Variants in F13A1 observed in about 807,000 individuals in gnomAD.
The protein encoded by F13A1 is FSF, A subunit.
A neutral mutation model predicts 80.1 loss-of-function variants in F13A1; 47 were observed. The ratio of observed to expected loss-of-function variants is 0.59; its 90% CI spans 0.46 to 0.75. The LOEUF is 0.75. Ranked by LOEUF, F13A1 falls within the 30% of genes least tolerant of loss-of-function variation. The pLI is 0.00. For synonymous variants in F13A1, 349 were observed against 344.9 expected (o/e 1.01, Z -0.13); for missense variants, 817 against 930.4 (o/e 0.88, Z 1.59).
chr6:6,157,375 A>T (rs2326705), intron 13 of F13A1, among the ~76,000 whole-genome samples: 41,805 of 151,986 alleles, frequency 0.28, 6,131 homozygotes, highest in African/African-American at 0.39. Context: ...ACTCTAAAAC[A>T]TTCATCTTCA....
chr6:6,221,749 G>C (rs1234117377), intron 8 of F13A1, among the ~76,000 whole-genome samples: 24 of 152,204 alleles, frequency 1.6e-4, no homozygotes, highest in Admixed American at 1.4e-3. Context: ...TATCAAGGTA[G>C]AGAGGAACTA....
chr6:6,259,378 C>A (rs1242371025), intron 4 of F13A1, among the ~76,000 whole-genome samples: 1 of 152,052 alleles, frequency 6.6e-6, no homozygotes, highest in Non-Finnish European at 1.5e-5. Flanking sequence ...TGATAAAATA[C>A]AAGCAGGTCA....
At chr6:6,164,347 T>C (rs1328957014) in intron 13 of F13A1, among the ~76,000 whole-genome samples, 4 of 151,894 alleles carry the variant, frequency 2.6e-5, no homozygotes, top group Non-Finnish European at 5.9e-5. Flanking sequence ...GTGGGGAGGA[T>C]GGGAGGAGGG....
chr6:6,202,938 C>T (rs1035663381), intron 8 of F13A1, among the ~76,000 whole-genome samples: 1 of 152,136 alleles, frequency 6.6e-6, no homozygotes, highest in African/African-American at 2.4e-5. Context: ...CTACATGGGA[C>T]GTCATAGTTT....
At chr6:6,158,901 CT>C (rs1475079741) in intron 13 of F13A1, among the ~76,000 whole-genome samples, 1 of 117,688 alleles carries the variant, frequency 8.5e-6, no homozygotes, top group Non-Finnish European at 1.8e-5. Flanking sequence ...CCCTTTTTTT[CT>C]TTCTTTTTTT....
At chr6:6,155,387 A>G (rs948495042) in intron 13 of F13A1, among the ~76,000 whole-genome samples, 1 of 152,154 alleles carries the variant, frequency 6.6e-6, no homozygotes, top group Non-Finnish European at 1.5e-5. Flanking sequence ...CTCTGTAATT[A>G]GATGCTGGCA....
At chr6:6,244,673 A>G (rs2113093702) in intron 6 of F13A1, among the ~76,000 whole-genome samples, 1 of 152,340 alleles carries the variant, frequency 6.6e-6, no homozygotes, top group African/African-American at 2.4e-5. Flanking sequence ...ACTATTTTGA[A>G]GAATAAAAGA....
chr6:6,300,605 G>A (rs1024304885), intron 3 of F13A1, among the ~76,000 whole-genome samples: 6 of 151,720 alleles, frequency 4.0e-5, no homozygotes, highest in East Asian at 1.9e-4. Context: ...TTCGGCTCGC[G>A]CACAGTGCAC....
intron 8 of F13A1, among the ~76,000 whole-genome samples, chr6:6,201,562 G>C (rs993166946): frequency 6.6e-6 from 1 of 152,166 alleles, no homozygotes; most frequent in African/African-American, 2.4e-5. Context: ...AATGACTAGG[G>C]GAATTGTGTC....
chr6:6,169,702 A>C (rs758101197), intron 12 of F13A1, among the ~76,000 whole-genome samples: 1 of 152,180 alleles, frequency 6.6e-6, no homozygotes, highest in Non-Finnish European at 1.5e-5. Context: ...AATCTGGTGG[A>C]TAGGGGCCAA....
At chr6:6,148,727 G>C (rs1760325647) in intron 14 of F13A1, among the ~76,000 whole-genome samples, 2 of 152,132 alleles carry the variant, frequency 1.3e-5, no homozygotes, top group Non-Finnish European at 2.9e-5. Context: ...CTTGCTCCAA[G>C]TTGTAAGCCC....
chr6:6,226,243 G>A (rs1757273914), intron 6 of F13A1, among the ~76,000 whole-genome samples: 1 of 152,168 alleles, frequency 6.6e-6, no homozygotes, highest in Admixed American at 6.5e-5. Flanking sequence ...TGTTTACATT[G>A]ACATTACAAT....
At position 6,182,192 on chromosome 6, in the gene F13A1, CAA is replaced by C. The variant is rs755411955; in HGVS notation, c.1306-53_1306-52del. 6.2e-6 allele frequency: 10 copies of C among 1,605,526 alleles called. No homozygotes were observed. The East Asian group carries it at 1.3e-4, about 21-fold the overall frequency. On this transcript the variant is annotated intron_variant, in intron 10 of 14. Coordinates refer to ENST00000264870, the MANE Select transcript of F13A1 (RefSeq NM_000129.4). ...GCCATCATCACATGTCTGCTGTTGCCAAAGTCTTTAACTGTCCATAGAGCAGT... is the reference window on the plus strand; with the variant it reads ...GCCATCATCACATGTCTGCTGTTGCCAGTCTTTAACTGTCCATAGAGCAGT...
intron 3 of F13A1, among the ~76,000 whole-genome samples, chr6:6,280,708 G>C (rs1174437758): frequency 1.3e-5 from 2 of 152,152 alleles, no homozygotes; most frequent in African/African-American, 4.8e-5. Context: ...AATTGTTCTT[G>C]ACATCTTTTT....
At chr6:6,171,625 A>C (rs1365072401) in intron 12 of F13A1, among the ~76,000 whole-genome samples, 2 of 152,204 alleles carry the variant, frequency 1.3e-5, no homozygotes, top group South Asian at 2.1e-4. Context: ...GTCTCTTCTC[A>C]ACACAGCAGC....
chr6:6,194,852 C>CAAATCTTAGCACTGCTATTT (rs1486873430), intron 10 of F13A1, among the ~76,000 whole-genome samples: 2 of 152,156 alleles, frequency 1.3e-5, no homozygotes, highest in Non-Finnish European at 1.5e-5. Flanking sequence ...TGCCTGGCTT[C>CAAATCTTAGCACTGCTATTT]AAATCTTAGC....
intron 3 of F13A1, among the ~76,000 whole-genome samples, chr6:6,268,850 G>A (rs1461120191): frequency 6.6e-6 from 1 of 151,862 alleles, no homozygotes; most frequent in Non-Finnish European, 1.5e-5. Context: ...CACCATGCCT[G>A]GCTAACTTTT....
chr6:6,157,650 A>G (rs1194212934), intron 13 of F13A1, among the ~76,000 whole-genome samples: 2 of 152,220 alleles, frequency 1.3e-5, no homozygotes, highest in Admixed American at 6.5e-5. Flanking sequence ...GTGACAAGGT[A>G]GCCTTGGGGC....
At chr6:6,190,123 T>G (rs1440888963) in intron 10 of F13A1, among the ~76,000 whole-genome samples, 1 of 151,974 alleles carries the variant, frequency 6.6e-6, no homozygotes, top group Non-Finnish European at 1.5e-5. Context: ...TTATACATTC[T>G]TCTAAATTTT....
Sources: gnomAD v4.1 joint callset for allele counts (sites outside exome capture counted in the v4.1 genomes callset) on GRCh38, gnomAD v4.1.1 for gene constraint, MANE v1.5 for transcripts, NCBI Gene and HGNC (gene_info 2026-07-23, HGNC 2026-07-21) for gene names.